The following ABCC9 variants were observed in gnomAD, a reference collection of about 807,000 sequenced individuals.
The protein encoded by ABCC9 is ATP-binding cassette sub-family C member 9.
Under a neutral mutation model 188.3 loss-of-function variants are expected in ABCC9, and 95 were observed. That is an observed-to-expected ratio of 0.50 (90% confidence interval 0.43 to 0.60). The LOEUF (loss-of-function observed/expected upper bound fraction) is 0.60, where lower values mean the gene tolerates loss of function less well. Ranked by LOEUF, ABCC9 falls within the 20% of genes least tolerant of loss-of-function variation. The pLI, the probability that ABCC9 is intolerant of heterozygous loss-of-function variation, is 0.00. For missense variants in ABCC9, 1,102 were observed against 1,876.3 expected, an observed-to-expected ratio of 0.59 and a Z score of 7.62; for synonymous variants, 659 against 652.7, an observed-to-expected ratio of 1.01 and a Z score of -0.15.
intron 16 of ABCC9, among the ~76,000 whole-genome samples, chr12:21,881,337 G>C (rs1033922654): frequency 6.6e-6 from 1 of 151,852 alleles, no homozygotes; most frequent in African/African-American, 2.4e-5. Context: ...AATTAATTTG[G>C]GCTTGAAAGT....
chr12:21,881,873 C>A (rs559541809), intron 16 of ABCC9, among the ~76,000 whole-genome samples: 8 of 152,290 alleles, frequency 5.3e-5, no homozygotes, highest in African/African-American at 1.9e-4. Flanking sequence ...TCAAGATGGG[C>A]AAACCATGGC....
chr12:21,908,227 C>T lies in ABCC9; in HGVS notation c.1321-16G>A. On this transcript the variant is annotated splice_polypyrimidine_tract_variant and intron_variant, in intron 10 of 39. Coordinates refer to ENST00000261200, the MANE Select transcript of ABCC9 (RefSeq NM_020297.4). ...CCATTATGATCTAGAGAGAAAAACA[C>T]ATGGAAAAGAGAAGATGAATGGGTT... is the stretch of plus-strand genomic sequence containing the variant. 1 of 1,611,714 alleles carries T rather than the reference C, an allele frequency of 6.2e-7. No individual in the cohort carries two copies. Among genetic ancestry groups the T allele is most frequent in the Non-Finnish European group, 8.5e-7 (1 of 1,178,410 alleles).
chr12:21,905,207 T>C (rs755420631), intron 12 of ABCC9, among the ~76,000 whole-genome samples: 2 of 152,022 alleles, frequency 1.3e-5, no homozygotes, highest in Non-Finnish European at 2.9e-5. Context: ...CACTCATAGG[T>C]GGGAACTGAA....
At position 21,886,683 on chromosome 12, in the gene ABCC9, C is replaced by T. The variant is rs1306001142; in HGVS notation, c.1911+1143G>A. Among the ~76,000 whole-genome samples, 5 of 151,994 alleles carry T rather than the reference C, an allele frequency of 3.3e-5. No individual in the cohort carries two copies. The East Asian group carries it at 9.6e-4, about 29-fold the overall frequency. ...TTTCCTATTGCATGTCAATAAAATC[C>T]AAACTCTTTCCATGGCTTACGAGGG... On this transcript the variant is annotated intron_variant, in intron 15 of 39. Transcript: ENST00000261200.
At chr12:21,931,649 T>G (rs1381823780) in intron 4 of ABCC9, among the ~76,000 whole-genome samples, 1 of 152,182 alleles carries the variant, frequency 6.6e-6, no homozygotes, top group South Asian at 2.1e-4. Flanking sequence ...CAGAGGAGTC[T>G]TCTTGTCCAC....
intron 18 of ABCC9, among the ~76,000 whole-genome samples, chr12:21,867,295 G>T (rs541795581): frequency 6.6e-6 from 1 of 152,078 alleles, no homozygotes; most frequent in South Asian, 2.1e-4. Context: ...AAATAAAGAA[G>T]TAGATTTAGC....
At chr12:21,893,346 A>AT (rs1947260127) in intron 14 of ABCC9, among the ~76,000 whole-genome samples, 1 of 152,154 alleles carries the variant, frequency 6.6e-6, no homozygotes, top group African/African-American at 2.4e-5. Flanking sequence ...TTAAGCCTGG[A>AT]TTTTTTTCCA....
intron 12 of ABCC9, among the ~76,000 whole-genome samples, chr12:21,899,879 T>TG (rs1373897561): frequency 6.6e-5 from 10 of 152,182 alleles, no homozygotes; most frequent in African/African-American, 2.4e-4. Flanking sequence ...ACTCCACCTC[T>TG]GGGGGCAGGG....
intron 29 of ABCC9, among the ~76,000 whole-genome samples, chr12:21,840,760 T>A: frequency 6.6e-6 from 1 of 152,296 alleles, no homozygotes; most frequent in East Asian, 1.9e-4. Context: ...AGACGATGAG[T>A]CTAGGGATGA....
At chr12:21,896,199 A>C (rs1037280327) in intron 12 of ABCC9, among the ~76,000 whole-genome samples, 2 of 150,970 alleles carry the variant, frequency 1.3e-5, no homozygotes, top group Non-Finnish European at 2.9e-5. Context: ...GGTGCGCTGC[A>C]ATCTAATTTT....
rs545493162 is a variant in ABCC9, at chr12:21,919,080, T to G, written c.407-1977A>C. Among the ~76,000 whole-genome samples, 14 of 152,136 alleles carry G rather than the reference T, an allele frequency of 9.2e-5. No homozygotes were observed. In the East Asian group the frequency reaches 2.7e-3, roughly 29 times the overall value. On this transcript the variant is annotated intron_variant, in intron 5 of 39. Transcript: ENST00000261200. ...TAAGACTCAGAGGAAAATTTACAGC[T>G]TTAGATATTTATTTTACAGTATAAG...
intron 3 of ABCC9, among the ~76,000 whole-genome samples, chr12:21,934,180 A>G (rs990552728): frequency 3.9e-5 from 6 of 152,106 alleles, no homozygotes; most frequent in Admixed American, 3.9e-4. Context: ...CTGGATGACA[A>G]CATGGTTCTA....
chr12:21,913,973 A>C (rs12302824), intron 7 of ABCC9, among the ~76,000 whole-genome samples: 2,753 of 152,262 alleles, frequency 0.018, 78 homozygotes, highest in African/African-American at 0.061. Context: ...AAATTAAACT[A>C]TGCTTAGGCT....
intron 5 of ABCC9, chr12:21,924,197 G>A (rs947495545): frequency 1.1e-5 from 2 of 189,224 alleles, no homozygotes; most frequent in African/African-American, 4.6e-5. Context: ...AGATCGCTGT[G>A]TTTCATGTAT....
rs184332701 is a variant in ABCC9 at position 21,899,841 on chromosome 12, G to A, written c.1619-4526C>T. On this transcript the variant is annotated intron_variant, in intron 12 of 39. Coordinates refer to ENST00000261200, the MANE Select transcript of ABCC9 (RefSeq NM_020297.4). ...CTCAAACTGGGTGGAACCCACCGCA[G>A]CTCAAGGAGGCCTGCCTGCCTCTGT... Among the ~76,000 whole-genome samples, 199 of 152,332 alleles carry A rather than the reference G, an allele frequency of 1.3e-3. 3 individuals carry two copies. The highest frequency in any genetic ancestry group is 4.6e-3 in the African/African-American group (192 of 41,582).
intron 13 of ABCC9, 41 bp from the exon 14 acceptor site, chr12:21,894,215 G>C (rs769690541): frequency 3.7e-6 from 6 of 1,609,332 alleles, no homozygotes; most frequent in Non-Finnish European, 5.1e-6. Context: ...GCTGGAAAAA[G>C]TGTCACACAT....
chr12:21,904,220 T>G (rs370157648), intron 12 of ABCC9, among the ~76,000 whole-genome samples: 2 of 152,088 alleles, frequency 1.3e-5, no homozygotes, highest in Admixed American at 6.6e-5. Context: ...AAACTGGCTA[T>G]CCATATGTAG....
chr12:21,895,308 C>A lies in ABCC9; in HGVS notation c.1626G>T (p.Met542Ile). 6.2e-7 allele frequency: 1 copy of A among 1,613,598 alleles called. No individual in the cohort carries two copies. The highest frequency in any genetic ancestry group is 8.5e-7 in the Non-Finnish European group (1 of 1,179,620). ...FALYTSLSIF[M>I]NAAIPIAAVL... ...CAGCTGCTATGGGAATTGCTGCATT[C>A]ATGAAGACTGTGGAAAGAAATAAAA... is the stretch of plus-strand genomic sequence containing the variant. Residue 542 changes from methionine to isoleucine, a missense_variant, in exon 13 of 40, where the codon ATG becomes ATT. By Grantham distance (10) the Met-to-Ile change is conservative. This residue lies in a region of ABCC9 where 258 missense variants were observed against 325.6 expected (regional missense o/e 0.79). Transcript: ENST00000261200.
chr12:21,811,265 C>T (rs1325429230), intron 36 of ABCC9, among the ~76,000 whole-genome samples: 2 of 152,134 alleles, frequency 1.3e-5, no homozygotes, highest in African/African-American at 4.8e-5. Context: ...CCTGAGGCCT[C>T]CCCAGCCATG....
Sources: gnomAD v4.1 joint callset for allele counts (sites outside exome capture counted in the v4.1 genomes callset) on GRCh38, gnomAD v4.1.1 for gene constraint, gnomAD v4.1.1 regional missense constraint, MANE v1.5 for transcripts, NCBI Gene and HGNC (gene_info 2026-07-23, HGNC 2026-07-21) for gene names.